Variants in MYPN observed in about 807,000 individuals in gnomAD.
The protein encoded by MYPN is myopalladin.
Under a neutral mutation model 129.4 loss-of-function variants are expected in MYPN, and 63 were observed. That is an observed-to-expected ratio of 0.49 (90% CI 0.40 to 0.60). The LOEUF (loss-of-function observed/expected upper bound fraction) is 0.60. Ranked by LOEUF, MYPN falls within the 20% of genes least tolerant of loss-of-function variation. The pLI is 0.00. For missense variants in MYPN, 1,596 were observed against 1,635.4 expected (o/e 0.98, Z 0.42); for synonymous variants, 629 against 600.9 (o/e 1.05, Z -0.68).
chr10:68,093,546 G>A (rs181750379), intron 1 of MYPN, among the ~76,000 whole-genome samples: 16 of 148,796 alleles, frequency 1.1e-4, no homozygotes, highest in Middle Eastern at 3.2e-3. Flanking sequence ...AGACCATCCC[G>A]GCTAACGTGG....
chr10:68,168,556 A>G (rs973258742), intron 10 of MYPN, among the ~76,000 whole-genome samples: 1 of 152,216 alleles, frequency 6.6e-6, no homozygotes, highest in Admixed American at 6.5e-5. Flanking sequence ...TATGCGTTTC[A>G]GGAAGACAAG....
At chr10:68,128,328 T>C (rs999663942) in intron 2 of MYPN, among the ~76,000 whole-genome samples, 1 of 152,218 alleles carries the variant, frequency 6.6e-6, no homozygotes, top group Non-Finnish European at 1.5e-5. Context: ...TTACCTTTTA[T>C]AGATGTTGAT....
At chr10:68,207,480 G>A (rs1033564926) in intron 19 of MYPN, among the ~76,000 whole-genome samples, 1 of 152,144 alleles carries the variant, frequency 6.6e-6, no homozygotes, top group African/African-American at 2.4e-5. Context: ...GCAAGTGCTT[G>A]TGCCTCTGAA....
chr10:68,201,837 G>A lies in MYPN; in HGVS notation c.3502G>A (p.Val1168Met), dbSNP rs752125039. The change falls in exon 18 of 20, where the codon GTG becomes ATG. Residue 1168 changes from valine to methionine, a missense_variant. Transcript: ENST00000358913. ...ACCCTTCTCTTGCTCAGCCAAAGAG[G>A]TGAAGAAAGCACCTGTGATCCTGGA... ...SLELSVVAKE[V>M]KKAPVILEKL... The A allele has an allele frequency of 1.9e-6, 3 of 1,614,080 alleles. No individual in the cohort carries two copies. In the Admixed American group the frequency reaches 5.0e-5, roughly 27 times the overall value.
chr10:68,194,583 C>G, intron 14 of MYPN, 71 bp downstream of exon 14: 1 of 1,536,210 alleles, frequency 6.5e-7, no homozygotes. Flanking sequence ...TGAATGAGAC[C>G]TTGAGAAGTG....
intron 15 of MYPN, among the ~76,000 whole-genome samples, chr10:68,195,901 C>T (rs2043597257): frequency 6.6e-6 from 1 of 152,084 alleles, no homozygotes; most frequent in South Asian, 2.1e-4. Context: ...TTCATGGGCT[C>T]AAGCCATCTT....
chr10:68,100,436 C>A (rs1242801023), intron 1 of MYPN, among the ~76,000 whole-genome samples: 1 of 152,118 alleles, frequency 6.6e-6, no homozygotes, highest in Non-Finnish European at 1.5e-5. Context: ...CAGTCTGTGG[C>A]TTGAGTGGGA....
In MYPN at chr10:68,206,796, C is replaced by T; in HGVS notation, c.3686C>T (p.Ala1229Val). The T allele has an allele frequency of 6.2e-7, 1 of 1,614,192 alleles. No individual in the cohort carries two copies. The highest frequency in any genetic ancestry group is 8.5e-7 in the Non-Finnish European group (1 of 1,180,030). ...ATGCACCAGGACACAACAGGGTATG[C>T]CTGCCTTCTCATTCAGCCAGCCAAG... ...ISMHQDTTGY[A>V]CLLIQPAKKS... is the part of the protein sequence containing the mutation. The change falls in exon 19 of 20, where the codon GCC becomes GTC. Residue 1229 changes from alanine (A) to valine (V), a missense_variant. Transcript: ENST00000358913.
intron 2 of MYPN, among the ~76,000 whole-genome samples, chr10:68,139,149 C>A (rs577476234): frequency 1.2e-3 from 186 of 152,292 alleles, no homozygotes; most frequent in African/African-American, 4.3e-3. Context: ...GGGACATTCA[C>A]TAACGGCTCA....
chr10:68,140,187 A>C (rs540449829), intron 2 of MYPN, among the ~76,000 whole-genome samples: 2 of 152,340 alleles, frequency 1.3e-5, no homozygotes, highest in African/African-American at 4.8e-5. Flanking sequence ...TCACAGAATC[A>C]AAAGACCAAC....
At chr10:68,148,076 T>C (rs1349030747) in intron 4 of MYPN, among the ~76,000 whole-genome samples, 1 of 152,176 alleles carries the variant, frequency 6.6e-6, no homozygotes, top group East Asian at 1.9e-4. Flanking sequence ...ACTGCATTTG[T>C]CTTGGATCTC....
chr10:68,144,545 C>T (rs1207664999), intron 3 of MYPN, among the ~76,000 whole-genome samples: 1 of 152,084 alleles, frequency 6.6e-6, no homozygotes, highest in Non-Finnish European at 1.5e-5. Flanking sequence ...ATAAATGCCT[C>T]CAGATTTAGC....
Position 68,211,603 on chromosome 10 carries a change from T to C in MYPN, c.*1148T>C, listed in dbSNP as rs1273234391. The C allele has an allele frequency of 4.4e-6, 2 of 454,138 alleles. No homozygotes were observed. The highest frequency in any genetic ancestry group is 3.1e-5 in the South Asian group (2 of 64,476). The allele number at this position is 454,138 out of a possible 1,614,324, so 28.1% of individuals were successfully genotyped here. On this transcript the variant is annotated 3_prime_UTR_variant, in exon 20 of 20. Coordinates refer to ENST00000358913, the MANE Select transcript of MYPN (RefSeq NM_032578.4). ...TAATCACCAATTCAAACCCTGCCTC[T>C]TAAGGAATTTTTAGACTTAAGTTCA... is the stretch of plus-strand genomic sequence containing the variant.
intron 2 of MYPN, among the ~76,000 whole-genome samples, chr10:68,132,744 A>T (rs1442040364): frequency 4.6e-5 from 7 of 152,252 alleles, no homozygotes; most frequent in Admixed American, 4.6e-4. Flanking sequence ...AGTTGCTTCA[A>T]GAGGGATTAA....
chr10:68,106,182 A>G (rs1016752784), upstream of MYPN: 2 of 453,910 alleles, frequency 4.4e-6, no homozygotes, highest in African/African-American at 4.0e-5. Flanking sequence ...CTCCTGAGAC[A>G]GGTAACCACA....
intron 4 of MYPN, among the ~76,000 whole-genome samples, chr10:68,146,676 T>C (rs2042671926): frequency 6.6e-6 from 1 of 152,250 alleles, no homozygotes; most frequent in Admixed American, 6.5e-5. Flanking sequence ...CTTCCTGCTT[T>C]CTGCTTTATC....
intron 12 of MYPN, among the ~76,000 whole-genome samples, chr10:68,177,001 C>G (rs1219869858): frequency 6.6e-6 from 1 of 152,198 alleles, no homozygotes; most frequent in Non-Finnish European, 1.5e-5. Flanking sequence ...CTGTATTCAG[C>G]CTATGTCTTT....
chr10:68,208,676 T>C (rs1270641940), intron 19 of MYPN, among the ~76,000 whole-genome samples: 1 of 152,122 alleles, frequency 6.6e-6, no homozygotes, highest in African/African-American at 2.4e-5. Flanking sequence ...TCCTCTCCCT[T>C]TCGTTCCTGT....
chr10:68,090,412 G>T (rs972316559), intron 1 of MYPN, among the ~76,000 whole-genome samples: 4 of 152,020 alleles, frequency 2.6e-5, no homozygotes, highest in African/African-American at 2.4e-5. Context: ...TGATCTACCC[G>T]CCTCGGCCTC....
Sources: gnomAD v4.1 joint callset for allele counts (sites outside exome capture counted in the v4.1 genomes callset) on GRCh38, gnomAD v4.1.1 for gene constraint, MANE v1.5 for transcripts, NCBI Gene and HGNC (gene_info 2026-07-23, HGNC 2026-07-21) for gene names.